The following CHSY3 variants were observed in gnomAD, a reference collection of about 807,000 sequenced individuals.
The protein encoded by CHSY3 is chondroitin sulfate synthase 3.
CHSY3 carries 35 observed loss-of-function variants against 67.2 expected under a neutral mutation model. The observed-to-expected ratio is 0.52, with a 90% CI of 0.40 to 0.69. The LOEUF (loss-of-function observed/expected upper bound fraction) is 0.69, where lower values mean the gene tolerates loss of function less well. Ranked by LOEUF, CHSY3 falls within the 30% of genes least tolerant of loss-of-function variation. The pLI, the probability that CHSY3 is intolerant of heterozygous loss-of-function variation, is 0.00. For synonymous variants in CHSY3, 474 were observed against 434.7 expected (o/e 1.09, Z -1.12); for missense variants, 1,069 against 1,138.5 (o/e 0.94, Z 0.88).
intron 2 of CHSY3, among the ~76,000 whole-genome samples, chr5:130,128,591 C>A (rs946496968): frequency 6.6e-6 from 1 of 152,076 alleles, no homozygotes; most frequent in African/African-American, 2.4e-5. Flanking sequence ...CTTTATGCAG[C>A]TTAGTGCCTA....
At chr5:130,020,583 A>G (rs1764362188) in intron 2 of CHSY3, among the ~76,000 whole-genome samples, 2 of 149,126 alleles carry the variant, frequency 1.3e-5, no homozygotes, top group Non-Finnish European at 3.0e-5. Flanking sequence ...CCTTCAAAGC[A>G]GTCTTTCTCC....
intron 2 of CHSY3, among the ~76,000 whole-genome samples, chr5:130,129,705 AGCTCTAATTCT>A (rs1373684179): frequency 6.6e-6 from 1 of 152,146 alleles, no homozygotes; most frequent in Non-Finnish European, 1.5e-5. Flanking sequence ...ATCTCTCAGA[AGCTCTAATTCT>A]GGCTCTCGCA....
intron 2 of CHSY3, among the ~76,000 whole-genome samples, chr5:130,165,779 A>G (rs1272987823): frequency 6.6e-6 from 1 of 152,110 alleles, no homozygotes; most frequent in African/African-American, 2.4e-5. Context: ...GTATGGATCT[A>G]AATTTATTTT....
intron 2 of CHSY3, among the ~76,000 whole-genome samples, chr5:130,165,549 A>G (rs1205027620): frequency 2.0e-5 from 3 of 152,012 alleles, no homozygotes; most frequent in African/African-American, 7.2e-5. Flanking sequence ...TTTTGCTTTA[A>G]AAGAACTTCT....
intron 2 of CHSY3, among the ~76,000 whole-genome samples, chr5:130,146,106 TC>T (rs1205684344): frequency 1.1e-4 from 16 of 152,088 alleles, no homozygotes; most frequent in Non-Finnish European, 2.9e-5. Flanking sequence ...TTAATATATA[TC>T]CAAAGGAAAT....
At chr5:130,107,916 T>C (rs751129067) in intron 2 of CHSY3, among the ~76,000 whole-genome samples, 4 of 151,724 alleles carry the variant, frequency 2.6e-5, no homozygotes, top group Non-Finnish European at 4.4e-5. Flanking sequence ...TATATTTGCT[T>C]CAGTGTCTAA....
At chr5:130,072,837 C>T (rs1381717529) in intron 2 of CHSY3, among the ~76,000 whole-genome samples, 1 of 152,110 alleles carries the variant, frequency 6.6e-6, no homozygotes, top group Non-Finnish European at 1.5e-5. Context: ...TTCTGCCATT[C>T]ATGACAACAT....
At chr5:130,106,691 A>G (rs1167202815) in intron 2 of CHSY3, among the ~76,000 whole-genome samples, 3 of 151,612 alleles carry the variant, frequency 2.0e-5, no homozygotes. Flanking sequence ...TCATATTTGC[A>G]TGACTCATTG....
At chr5:129,986,375 C>T (rs116737297) in intron 2 of CHSY3, among the ~76,000 whole-genome samples, 1,545 of 152,140 alleles carry the variant, frequency 0.01, 20 homozygotes, top group African/African-American at 0.034. Flanking sequence ...AGGAATAAAG[C>T]CTACTTGTAT....
At chr5:130,059,236 G>A (rs1765630704) in intron 2 of CHSY3, among the ~76,000 whole-genome samples, 1 of 152,120 alleles carries the variant, frequency 6.6e-6, no homozygotes, top group Admixed American at 6.5e-5. Flanking sequence ...TTTTCAGTCT[G>A]CTACCCTGAC....
intron 2 of CHSY3, among the ~76,000 whole-genome samples, chr5:130,005,827 A>G (rs1339556818): frequency 6.6e-6 from 1 of 152,244 alleles, no homozygotes; most frequent in Non-Finnish European, 1.5e-5. Flanking sequence ...TAATTGACAT[A>G]TAATTTCCAA....
intron 2 of CHSY3, among the ~76,000 whole-genome samples, chr5:129,998,172 T>C (rs780193284): frequency 2.6e-5 from 4 of 152,204 alleles, no homozygotes; most frequent in Non-Finnish European, 4.4e-5. Flanking sequence ...CCAGCATCTG[T>C]TGAGAAACAT....
At chr5:130,029,861 A>G (rs564267088) in intron 2 of CHSY3, among the ~76,000 whole-genome samples, 2 of 152,096 alleles carry the variant, frequency 1.3e-5, no homozygotes, top group Admixed American at 1.3e-4. Flanking sequence ...TTCCGCTAGA[A>G]ATGGAGGGGT....
At chr5:129,917,317 G>A (rs143217440) in intron 2 of CHSY3, among the ~76,000 whole-genome samples, 1 of 152,220 alleles carries the variant, frequency 6.6e-6, no homozygotes, top group African/African-American at 2.4e-5. Flanking sequence ...ATATAAAATG[G>A]TGTAGAACAA....
intron 2 of CHSY3, among the ~76,000 whole-genome samples, chr5:129,999,867 C>G (rs1471049259): frequency 6.6e-6 from 1 of 151,750 alleles, no homozygotes; most frequent in Non-Finnish European, 1.5e-5. Flanking sequence ...AAGTGGATAC[C>G]TTTGTGACAA....
intron 2 of CHSY3, among the ~76,000 whole-genome samples, chr5:130,132,276 T>G (rs1768506363): frequency 6.6e-6 from 1 of 152,258 alleles, no homozygotes; most frequent in East Asian, 1.9e-4. Context: ...AGAGATAATC[T>G]CTGAAAAAGC....
intron 2 of CHSY3, among the ~76,000 whole-genome samples, chr5:130,078,545 A>G (rs1487592399): frequency 1.3e-5 from 2 of 152,120 alleles, no homozygotes; most frequent in Non-Finnish European, 2.9e-5. Context: ...GGAGTTGACT[A>G]TTGGATTTTT....
At chr5:130,169,388 C>G (rs1048870563) in intron 2 of CHSY3, among the ~76,000 whole-genome samples, 3 of 152,090 alleles carry the variant, frequency 2.0e-5, no homozygotes, top group Non-Finnish European at 4.4e-5. Context: ...AATGGCCCTC[C>G]TATTTGTTGG....
At chr5:129,954,516 A>G (rs1762113996) in intron 2 of CHSY3, among the ~76,000 whole-genome samples, 3 of 151,466 alleles carry the variant, frequency 2.0e-5, no homozygotes, top group Admixed American at 2.0e-4. Context: ...TAATTCTGTG[A>G]AGAAAGTCAA....
Sources: gnomAD v4.1 joint callset for allele counts (sites outside exome capture counted in the v4.1 genomes callset) on GRCh38, gnomAD v4.1.1 for gene constraint, MANE v1.5 for transcripts, NCBI Gene and HGNC (gene_info 2026-07-23, HGNC 2026-07-21) for gene names.